The following AMBRA1 variants were observed in gnomAD, a reference collection of about 807,000 sequenced individuals.
The protein encoded by AMBRA1 is activating molecule in BECN1-regulated autophagy protein 1.
A neutral mutation model predicts 125.4 loss-of-function variants in AMBRA1; 47 were observed. The observed-to-expected ratio is 0.37, with a 90% confidence interval of 0.30 to 0.48. The LOEUF (loss-of-function observed/expected upper bound fraction) is 0.48. Among genes scored for constraint, AMBRA1 ranks in the 20% least tolerant of loss-of-function variants. The probability of loss-of-function intolerance (pLI) is 0.99; values close to 1 mark genes in which losing one functional copy is unlikely to be tolerated. For missense variants in AMBRA1, 1,331 were observed against 1,693.4 expected, an observed-to-expected ratio of 0.79 and a Z score of 3.76; for synonymous variants, 626 against 655.5, an observed-to-expected ratio of 0.95 and a Z score of 0.69.
rs1036960104 is a variant in AMBRA1, at chr11:46,542,910, A to C, written c.1107T>G (p.Ser369=). The C allele has an allele frequency of 6.2e-6, 10 of 1,612,172 alleles. No homozygotes were observed. Among genetic ancestry groups the C allele is most frequent in the Non-Finnish European group, 8.5e-6 (10 of 1,179,980 alleles). Reference sequence around the variant, plus strand: ...TGCTGCTCTGGACTGTACTGAAGGCAGACGGCCGGTTCAGGAGGCCCTGGT... The same window carrying C: ...TGCTGCTCTGGACTGTACTGAAGGCCGACGGCCGGTTCAGGAGGCCCTGGT... ...QQDQGLLNRP[S]AFSTVQSSTA... The change falls in exon 7 of 18, where the codon TCT becomes TCG. Residue 369 remains serine (S), a synonymous_variant. Transcript: ENST00000683756. This position sits in a 1 kb window ranked among gnomAD's most constrained non-coding sequence, Gnocchi z 5.9.
At chr11:46,473,300 G>C (rs1949678499) in intron 11 of AMBRA1, among the ~76,000 whole-genome samples, 1 of 152,226 alleles carries the variant, frequency 6.6e-6, no homozygotes, top group Admixed American at 6.5e-5. Context: ...AAGCTGGAAA[G>C]ACACTGCAAT....
chr11:46,403,930 C>T (rs565028118), intron 17 of AMBRA1, among the ~76,000 whole-genome samples: 4 of 152,204 alleles, frequency 2.6e-5, no homozygotes, highest in South Asian at 2.1e-4. Flanking sequence ...CTGCATGTGG[C>T]GGCTCACGCC....
chr11:46,575,486 A>T (rs1490461130), intron 1 of AMBRA1, among the ~76,000 whole-genome samples: 2 of 150,346 alleles, frequency 1.3e-5, no homozygotes, highest in African/African-American at 2.4e-5. Context: ...TAGCTTATAA[A>T]CAACAGAAAT....
chr11:46,441,420 G>A lies in AMBRA1; in HGVS notation c.2632+2068C>T, dbSNP rs572853643. Among the ~76,000 whole-genome samples the A allele has an allele frequency of 9.2e-5, 14 of 152,054 alleles. No homozygotes were observed. In the South Asian group the frequency reaches 2.3e-3, roughly 25 times the overall value. On this transcript the variant is annotated intron_variant, in intron 12 of 17. Coordinates refer to ENST00000683756, the MANE Select transcript of AMBRA1 (RefSeq NM_001387011.1). ...TCCCAGCTACTCGGGAGGCTGAGGC[G>A]GGAGAATCGCATGAACCTGGGGGTG...
At chr11:46,576,876 G>A (rs762505897) in intron 1 of AMBRA1, among the ~76,000 whole-genome samples, 1 of 152,186 alleles carries the variant, frequency 6.6e-6, no homozygotes. Context: ...GAAGATGATA[G>A]GAAGTTAAAA....
chr11:46,580,139 A>G (rs1739984160), intron 1 of AMBRA1, among the ~76,000 whole-genome samples: 1 of 152,156 alleles, frequency 6.6e-6, no homozygotes, highest in African/African-American at 2.4e-5. Flanking sequence ...ATCATCAATG[A>G]TCTCTGTGCT....
chr11:46,434,092 C>A (rs1395712391), intron 13 of AMBRA1, among the ~76,000 whole-genome samples: 1 of 131,886 alleles, frequency 7.6e-6, no homozygotes, highest in Admixed American at 8.2e-5. Flanking sequence ...TCCAGCCTGG[C>A]CAACAAGAGT....
chr11:46,482,933 T>G (rs1247356768), intron 11 of AMBRA1, among the ~76,000 whole-genome samples: 1 of 148,272 alleles, frequency 6.7e-6, no homozygotes, highest in African/African-American at 2.5e-5. Flanking sequence ...CATTTGAACC[T>G]GGGAGGCGGA....
intron 11 of AMBRA1, among the ~76,000 whole-genome samples, chr11:46,476,620 C>A (rs781392902): frequency 3.3e-5 from 5 of 152,152 alleles, no homozygotes; most frequent in Non-Finnish European, 5.9e-5. Flanking sequence ...ACAATTTACT[C>A]CAGCTTTGCA....
chr11:46,544,074 C>T (rs924267383), intron 5 of AMBRA1, 33 bp from the exon 6 acceptor site: 2 of 1,554,656 alleles, frequency 1.3e-6, no homozygotes, highest in African/African-American at 1.4e-5. Flanking sequence ...CAAAGACACA[C>T]ATAGAGAGAT....
In AMBRA1 at chr11:46,454,644, G is replaced by A. The variant is rs537433853; in HGVS notation, c.2522-11046C>T. Among the ~76,000 whole-genome samples the A allele has an allele frequency of 1.3e-3, 201 of 151,420 alleles. 3 individuals carry two copies. Among genetic ancestry groups the A allele is most frequent in the Non-Finnish European group, 2.3e-3 (155 of 67,898 alleles). Reference sequence around the variant, plus strand: ...CGGGCGCCTGCAGTCCCAGCTACTTGGGAGGCTGAGGCAGGAGAATGGTGT... The same window carrying A: ...CGGGCGCCTGCAGTCCCAGCTACTTAGGAGGCTGAGGCAGGAGAATGGTGT... On this transcript the variant is annotated intron_variant, in intron 11 of 17. Transcript: ENST00000683756.
intron 14 of AMBRA1, chr11:46,428,721 C>A (rs1947282961): frequency 2.5e-6 from 4 of 1,608,086 alleles, no homozygotes; most frequent in Non-Finnish European, 3.4e-6. Flanking sequence ...GCTGACCCAG[C>A]CCCAGCCTCG....
chr11:46,434,811 C>T (rs924068888), intron 13 of AMBRA1, 38 bp downstream of exon 13: 3 of 1,538,540 alleles, frequency 1.9e-6, no homozygotes, highest in East Asian at 2.3e-5. Context: ...AAGGCACCAG[C>T]GTCCCTCTGT....
chr11:46,494,601 C>T (rs1239122801), intron 9 of AMBRA1: 1 of 156,354 alleles, frequency 6.4e-6, no homozygotes, highest in East Asian at 1.8e-4. Flanking sequence ...TATCCAGACG[C>T]CTGCTGTGGG....
chr11:46,552,784 T>C (rs1442655683), intron 1 of AMBRA1, among the ~76,000 whole-genome samples: 1 of 152,008 alleles, frequency 6.6e-6, no homozygotes, highest in Non-Finnish European at 1.5e-5. Flanking sequence ...TAAAAAATAT[T>C]AGGAGAAAAA....
intron 11 of AMBRA1, among the ~76,000 whole-genome samples, chr11:46,459,119 T>C (rs1948982452): frequency 6.6e-6 from 1 of 152,212 alleles, no homozygotes; most frequent in Non-Finnish European, 1.5e-5. Flanking sequence ...CAGCCACTAC[T>C]AAGAATAAAG....
chr11:46,446,361 T>C (rs928056281), intron 11 of AMBRA1, among the ~76,000 whole-genome samples: 3 of 152,224 alleles, frequency 2.0e-5, no homozygotes, highest in Non-Finnish European at 4.4e-5. Context: ...AACCATTTAG[T>C]AGGCCTCTGG....
At chr11:46,401,011 A>G (rs1945727836) in intron 17 of AMBRA1, among the ~76,000 whole-genome samples, 1 of 152,154 alleles carries the variant, frequency 6.6e-6, no homozygotes, top group African/African-American at 2.4e-5. Flanking sequence ...GTGGGGCAGA[A>G]GGTAAGAAGA....
At chr11:46,482,027 T>A (rs1950090789) in intron 11 of AMBRA1, among the ~76,000 whole-genome samples, 1 of 152,252 alleles carries the variant, frequency 6.6e-6, no homozygotes, top group Non-Finnish European at 1.5e-5. Flanking sequence ...TACATCCTTG[T>A]AGTATAATTC....
Sources: gnomAD v4.1 joint callset for allele counts (sites outside exome capture counted in the v4.1 genomes callset) on GRCh38, gnomAD v4.1.1 for gene constraint, Gnocchi (gnomAD v3.1) non-coding constraint, MANE v1.5 for transcripts, NCBI Gene and HGNC (gene_info 2026-07-23, HGNC 2026-07-21) for gene names.